Variants in SH3KBP1 observed in about 807,000 individuals in gnomAD.
The protein encoded by SH3KBP1 is SH3 domain-containing kinase-binding protein 1.
SH3KBP1 carries 8 observed loss-of-function variants against 50.1 expected under a neutral mutation model. That is an observed-to-expected ratio of 0.16 (90% confidence interval 0.09 to 0.29). The LOEUF is 0.29. Ranked by LOEUF, SH3KBP1 falls within the 10% of genes least tolerant of loss-of-function variation. SH3KBP1 has a pLI of 1.00. For synonymous variants in SH3KBP1, 227 were observed against 218.6 expected (o/e 1.04, Z -0.34); for missense variants, 377 against 535.2 (o/e 0.70, Z 2.92).
intron 3 of SH3KBP1, among the ~76,000 whole-genome samples, chrX:19,745,545 T>C (rs918613429): frequency 1.8e-5 from 2 of 111,857 alleles, no homozygotes; most frequent in African/African-American, 6.5e-5. Flanking sequence ...TCTCTATTTC[T>C]CTTTAAGGAA....
chrX:19,825,347 T>C (rs1376955043), intron 2 of SH3KBP1, among the ~76,000 whole-genome samples: 5 of 111,574 alleles, frequency 4.5e-5, no homozygotes, highest in Non-Finnish European at 7.5e-5. Context: ...GAATGGACAC[T>C]TGGGGAAGGC....
chrX:19,594,917 A>G (rs1602597700), intron 10 of SH3KBP1, 32 bp downstream of exon 10: 1 of 1,074,702 alleles, frequency 9.3e-7, no homozygotes, highest in East Asian at 3.0e-5. Context: ...AAAGACGCAT[A>G]TTTTATTTGA....
At chrX:19,833,830 G>T (rs1234710085) in intron 2 of SH3KBP1, among the ~76,000 whole-genome samples, 3 of 111,783 alleles carry the variant, frequency 2.7e-5, no homozygotes, top group Non-Finnish European at 5.6e-5. Flanking sequence ...TTCCACACTA[G>T]AATGCAGCTC....
intron 2 of SH3KBP1, among the ~76,000 whole-genome samples, chrX:19,763,008 C>T (rs1024477258): frequency 3.6e-5 from 4 of 111,957 alleles, no homozygotes; most frequent in Admixed American, 9.5e-5. Context: ...GCTGGTTAAA[C>T]GGGTAACTTA....
intron 7 of SH3KBP1, among the ~76,000 whole-genome samples, chrX:19,643,314 T>A (rs774769150): frequency 1.1e-3 from 92 of 86,557 alleles, no homozygotes; most frequent in East Asian, 5.2e-3. Flanking sequence ...TTTATTTTTT[T>A]TTTTTTTATT....
chrX:19,817,521 T>C (rs2067392145), intron 2 of SH3KBP1, among the ~76,000 whole-genome samples: 1 of 112,585 alleles, frequency 8.9e-6, no homozygotes, highest in African/African-American at 3.2e-5. Flanking sequence ...AGTATAGTCA[T>C]ATGCTACATA....
intron 1 of SH3KBP1, among the ~76,000 whole-genome samples, chrX:19,867,504 C>T (rs1292182095): frequency 8.9e-6 from 1 of 112,046 alleles, no homozygotes; most frequent in East Asian, 2.8e-4. Flanking sequence ...ATTGCAACTG[C>T]AGTGTGTATG....
chrX:19,708,539 G>T (rs1467419371), intron 3 of SH3KBP1, among the ~76,000 whole-genome samples: 1 of 111,561 alleles, frequency 9.0e-6, no homozygotes, highest in African/African-American at 3.3e-5. Flanking sequence ...AAGGAGGAAA[G>T]TCAGGAGGAA....
intron 3 of SH3KBP1, among the ~76,000 whole-genome samples, chrX:19,743,122 A>T (rs1462371761): frequency 8.9e-6 from 1 of 111,900 alleles, no homozygotes; most frequent in East Asian, 2.8e-4. Context: ...TCAAATGAAA[A>T]GCCAGCCAGT....
rs767066743 is a variant in SH3KBP1 at position 19,809,342 on chromosome X, G to A, written c.162+26783C>T. Among the ~76,000 whole-genome samples the A allele has an allele frequency of 6.3e-5, 7 of 111,146 alleles. No individual in the cohort carries two copies. In the South Asian group the frequency reaches 2.7e-3, roughly 43 times the overall value. On this transcript the variant is annotated intron_variant, in intron 2 of 17. Transcript: ENST00000397821. ...AGATCAAGACCATCCTGGCCAACAT[G>A]GTGAAACCCTGTCTCTACTAAAATA...
intron 13 of SH3KBP1, among the ~76,000 whole-genome samples, chrX:19,564,766 C>T (rs1885807777): frequency 8.9e-6 from 1 of 112,080 alleles, no homozygotes; most frequent in Non-Finnish European, 1.9e-5. Context: ...CTTCCTGTTC[C>T]TAACACAGAC....
At chrX:19,608,580 A>G (rs775066050) in intron 8 of SH3KBP1, among the ~76,000 whole-genome samples, 1 of 111,962 alleles carries the variant, frequency 8.9e-6, no homozygotes, top group East Asian at 2.8e-4. Context: ...AAGTGCTGAG[A>G]TTACAGGCAT....
chrX:19,863,680 C>G (rs1043418409), intron 1 of SH3KBP1, among the ~76,000 whole-genome samples: 7 of 111,506 alleles, frequency 6.3e-5, no homozygotes, highest in African/African-American at 2.3e-4. Flanking sequence ...CTGCTCTCTC[C>G]AGAGAGAGTT....
At chrX:19,853,157 CGT>C (rs200195294) in intron 1 of SH3KBP1, among the ~76,000 whole-genome samples, 19 of 111,865 alleles carry the variant, frequency 1.7e-4, no homozygotes, top group Admixed American at 8.5e-4. Context: ...TGCGTGTGCA[CGT>C]GTGTGTGTGT....
At chrX:19,722,405 T>G (rs1378252107) in intron 3 of SH3KBP1, among the ~76,000 whole-genome samples, 1 of 111,595 alleles carries the variant, frequency 9.0e-6, no homozygotes. Flanking sequence ...CTTTTCTGAC[T>G]ACTTAAATTC....
At chrX:19,694,986 G>T (rs371779329) in intron 5 of SH3KBP1, 37 of 1,189,099 alleles carry the variant, frequency 3.1e-5, no homozygotes, top group East Asian at 9.1e-5. Flanking sequence ...GAAGTTTCCC[G>T]GTCCTGACCT....
intron 1 of SH3KBP1, among the ~76,000 whole-genome samples, chrX:19,837,422 TCTC>T (rs2068088194): frequency 9.1e-6 from 1 of 110,281 alleles, no homozygotes; most frequent in Non-Finnish European, 1.9e-5. Context: ...AGACTGGACT[TCTC>T]CTCATGACCA....
intron 4 of SH3KBP1, among the ~76,000 whole-genome samples, chrX:19,701,866 A>G (rs151066587): frequency 3.3e-3 from 375 of 112,395 alleles, no homozygotes; most frequent in Non-Finnish European, 4.5e-3. Flanking sequence ...TCCCACAGCT[A>G]TGCAAATCTA....
At chrX:19,631,788 A>C in intron 8 of SH3KBP1, 76 bp downstream of exon 8, 1 of 580,457 alleles carries the variant, frequency 1.7e-6, no homozygotes, top group Non-Finnish European at 2.7e-6. Context: ...CAAGCGCTGA[A>C]GCAAAAGCTT....
Sources: gnomAD v4.1 joint callset for allele counts (sites outside exome capture counted in the v4.1 genomes callset) on GRCh38, gnomAD v4.1.1 for gene constraint, MANE v1.5 for transcripts, NCBI Gene and HGNC (gene_info 2026-07-23, HGNC 2026-07-21) for gene names.